The following CTNNBL1 variants were observed in gnomAD, a reference collection of about 807,000 sequenced individuals.
The protein encoded by CTNNBL1 is catenin beta like 1, also known as beta-catenin-like protein 1.
A neutral mutation model predicts 72.7 loss-of-function variants in CTNNBL1; 31 were observed. The ratio of observed to expected loss-of-function variants is 0.43; its 90% CI spans 0.32 to 0.58. The LOEUF is 0.58. CTNNBL1 is among the 20% of genes least tolerant of loss of function. The pLI, the probability that CTNNBL1 is intolerant of heterozygous loss-of-function variation, is 0.08. For synonymous variants in CTNNBL1, 240 were observed against 267.3 expected, an observed-to-expected ratio of 0.90 and a Z score of 1.00; for missense variants, 534 against 725.1, an observed-to-expected ratio of 0.74 and a Z score of 3.03.
At chr20:37,740,527 G>T (rs180917843) in intron 3 of CTNNBL1, among the ~76,000 whole-genome samples, 243 of 152,314 alleles carry the variant, frequency 1.6e-3, no homozygotes, top group Non-Finnish European at 1.6e-3. Flanking sequence ...ATTGACTAGA[G>T]TGTGCTGTTT....
chr20:37,796,865 A>G (rs1377941492), intron 10 of CTNNBL1, among the ~76,000 whole-genome samples: 1 of 152,152 alleles, frequency 6.6e-6, no homozygotes, highest in Non-Finnish European at 1.5e-5. Context: ...TAATGCAATA[A>G]ATCTTAAAAC....
At chr20:37,783,389 C>T (rs2073643479) in intron 10 of CTNNBL1, among the ~76,000 whole-genome samples, 1 of 151,714 alleles carries the variant, frequency 6.6e-6, no homozygotes, top group African/African-American at 2.4e-5. Flanking sequence ...TATTATTTCT[C>T]TTCGTCTACT....
chr20:37,713,534 T>C (rs1194654482), intron 1 of CTNNBL1, among the ~76,000 whole-genome samples: 4 of 152,232 alleles, frequency 2.6e-5, no homozygotes, highest in African/African-American at 9.6e-5. Flanking sequence ...AACTTTCTGA[T>C]TGCTGAATGT....
At chr20:37,854,587 T>G (rs1033446874) in intron 13 of CTNNBL1, among the ~76,000 whole-genome samples, 7 of 143,716 alleles carry the variant, frequency 4.9e-5, no homozygotes, top group African/African-American at 1.8e-4. Flanking sequence ...ATTATTATTA[T>G]TATTATTATT....
chr20:37,819,892 T>G (rs376569143), intron 11 of CTNNBL1, among the ~76,000 whole-genome samples: 133 of 148,810 alleles, frequency 8.9e-4, no homozygotes, highest in African/African-American at 3.2e-3. Context: ...TTTTTTTTTT[T>G]GAGACACAGT....
chr20:37,753,773 G>C (rs1423132952), intron 4 of CTNNBL1, among the ~76,000 whole-genome samples: 1 of 152,192 alleles, frequency 6.6e-6, no homozygotes, highest in Non-Finnish European at 1.5e-5. Context: ...TAGCTACTCA[G>C]TGGAAGAGGC....
chr20:37,793,583 C>T (rs779244417), intron 10 of CTNNBL1, among the ~76,000 whole-genome samples: 22 of 152,082 alleles, frequency 1.4e-4, no homozygotes, highest in Non-Finnish European at 4.4e-5. Flanking sequence ...TAAATGAGGC[C>T]GTAAGAGTGG....
intron 1 of CTNNBL1, among the ~76,000 whole-genome samples, chr20:37,704,072 C>T (rs1286909421): frequency 2.6e-5 from 4 of 152,108 alleles, no homozygotes; most frequent in African/African-American, 4.8e-5. Context: ...CCACCGTGCC[C>T]GGCCATGGTT....
intron 15 of CTNNBL1, among the ~76,000 whole-genome samples, chr20:37,868,666 C>G (rs990426922): frequency 6.6e-6 from 1 of 152,156 alleles, no homozygotes; most frequent in African/African-American, 2.4e-5. Flanking sequence ...AGGATGGGTG[C>G]TCTGTGTACC....
At chr20:37,759,935 G>A (rs968069810) in intron 5 of CTNNBL1, among the ~76,000 whole-genome samples, 1 of 152,254 alleles carries the variant, frequency 6.6e-6, no homozygotes, top group Admixed American at 6.5e-5. Flanking sequence ...GCAGAGGCTA[G>A]AGGGCATGTG....
rs573384161 is a variant in CTNNBL1 at position 37,867,371 on chromosome 20, T to A, written c.1604-4554T>A. Reference sequence around the variant, plus strand: ...TGAATACTCATCCAGGTCTCCGCCCTGGAAGACGACTTTTCCCCATCCACC... The same window carrying A: ...TGAATACTCATCCAGGTCTCCGCCCAGGAAGACGACTTTTCCCCATCCACC... On this transcript the variant is annotated intron_variant, in intron 15 of 15. Transcript: ENST00000361383. 4.6e-5 allele frequency among the ~76,000 whole-genome samples: 7 copies of A among 152,298 alleles called. No homozygotes were observed. The South Asian group carries it at 1.5e-3, about 32-fold the overall frequency.
At chr20:37,777,901 A>G (rs2073590281) in intron 9 of CTNNBL1, among the ~76,000 whole-genome samples, 189 bp downstream of exon 9, 1 of 152,216 alleles carries the variant, frequency 6.6e-6, no homozygotes, top group Non-Finnish European at 1.5e-5. Context: ...CTTTATGACC[A>G]GACATCACTG....
chr20:37,855,702 T>C (rs987414699), intron 13 of CTNNBL1, among the ~76,000 whole-genome samples: 3 of 152,230 alleles, frequency 2.0e-5, no homozygotes, highest in Non-Finnish European at 4.4e-5. Context: ...TGTTTGCATA[T>C]TCTGATTCAT....
At chr20:37,722,687 A>AT (rs1219150390) in intron 1 of CTNNBL1, among the ~76,000 whole-genome samples, 3 of 152,086 alleles carry the variant, frequency 2.0e-5, no homozygotes, top group African/African-American at 2.4e-5. Context: ...AGGGCTGAGC[A>AT]TTTTTTTAAT....
intron 1 of CTNNBL1, among the ~76,000 whole-genome samples, chr20:37,732,421 T>C (rs192079527): frequency 5.6e-4 from 86 of 152,364 alleles, no homozygotes; most frequent in Non-Finnish European, 9.8e-4. Context: ...TTGGGAGTTA[T>C]ATCTTGACTA....
At position 37,726,605 on chromosome 20, in the gene CTNNBL1, C is replaced by T. The variant is rs569711062; in HGVS notation, c.31-6274C>T. Among the ~76,000 whole-genome samples the T allele has an allele frequency of 1.1e-4, 16 of 152,252 alleles. No homozygotes were observed. In the South Asian group the frequency reaches 3.3e-3, roughly 32 times the overall value. On this transcript the variant is annotated intron_variant, in intron 1 of 15. Transcript: ENST00000361383. ...ATCTAGGAAACAGTACTTCATGCCC[C>T]ATTTGGAAGATCATTTTCTGAAGTT... is the stretch of plus-strand genomic sequence containing the variant.
At chr20:37,814,945 T>G (rs2072042464) in intron 11 of CTNNBL1, among the ~76,000 whole-genome samples, 1 of 152,152 alleles carries the variant, frequency 6.6e-6, no homozygotes. Flanking sequence ...AATAAACTCA[T>G]GCAGAAAATT....
chr20:37,816,433 T>G lies in CTNNBL1; in HGVS notation c.1213+13385T>G, dbSNP rs538891218. Among the ~76,000 whole-genome samples the G allele has an allele frequency of 7.0e-4, 106 of 152,350 alleles. 1 individual carries two copies. Among genetic ancestry groups the G allele is most frequent in the Non-Finnish European group, 9.1e-4 (62 of 68,032 alleles). On this transcript the variant is annotated intron_variant, in intron 11 of 15. Transcript: ENST00000361383. ...GGTTCAGAAGACTTGGGTTTGTGTT[T>G]CTGCCATAATTGTTGTGCTTAGGTT...
At chr20:37,768,210 G>A (rs939544948) in intron 7 of CTNNBL1, among the ~76,000 whole-genome samples, 166 bp downstream of exon 7, 4 of 152,178 alleles carry the variant, frequency 2.6e-5, no homozygotes, top group Non-Finnish European at 4.4e-5. Context: ...TTTAAAACAA[G>A]AGGCTTTAAA....
Sources: allele counts gnomAD v4.1 joint callset (sites outside exome capture counted in the v4.1 genomes callset), GRCh38; gene constraint gnomAD v4.1.1; transcripts MANE v1.5; gene names NCBI Gene and HGNC (gene_info 2026-07-23, HGNC 2026-07-21).